Variants in HMGCLL1 observed in about 807,000 individuals in gnomAD.
The protein encoded by HMGCLL1 is 3-hydroxymethyl-3-methylglutaryl-CoA lyase, cytoplasmic.
HMGCLL1 carries 36 observed loss-of-function variants against 39.1 expected under a neutral mutation model. The observed-to-expected ratio is 0.92, with a 90% CI of 0.71 to 1.22. HMGCLL1 has a LOEUF of 1.22. HMGCLL1 is among the 50% of genes most tolerant of loss of function. The pLI is 0.00. For missense variants in HMGCLL1, 451 were observed against 416.5 expected (o/e 1.08, Z -0.72); for synonymous variants, 149 against 144.0 (o/e 1.03, Z -0.25).
chr6:55,626,240 C>T, the HMGCLL1 span, among the ~76,000 whole-genome samples: 7 of 152,140 alleles, frequency 4.6e-5, no homozygotes, highest in African/African-American at 1.4e-4. Context: ...TTTCCCTATC[C>T]TGCACACAAT....
chr6:55,625,967 T>C, the HMGCLL1 span, among the ~76,000 whole-genome samples: 1 of 152,156 alleles, frequency 6.6e-6, no homozygotes, highest in Non-Finnish European at 1.5e-5. Flanking sequence ...CATGGACCCA[T>C]GAACAAAGTC....
the HMGCLL1 span, among the ~76,000 whole-genome samples, chr6:55,629,752 C>T: frequency 1.3e-5 from 2 of 152,142 alleles, no homozygotes; most frequent in Non-Finnish European, 2.9e-5. Flanking sequence ...AAGGGACCAA[C>T]ATAGAGCTCA....
intron 7 of HMGCLL1, among the ~76,000 whole-genome samples, 187 bp downstream of exon 7, chr6:55,495,232 T>A (rs945582722): frequency 6.6e-6 from 1 of 152,212 alleles, no homozygotes; most frequent in Non-Finnish European, 1.5e-5. Flanking sequence ...ATAAGAGATC[T>A]TCATTGCCCT....
At chr6:55,629,679 C>T in the HMGCLL1 span, among the ~76,000 whole-genome samples, 3 of 152,118 alleles carry the variant, frequency 2.0e-5, no homozygotes, top group South Asian at 2.1e-4. Flanking sequence ...GCCCAGGGTT[C>T]CTGTGCTGTG....
the HMGCLL1 span, among the ~76,000 whole-genome samples, chr6:55,626,263 A>G: frequency 6.6e-6 from 1 of 152,092 alleles, no homozygotes; most frequent in Non-Finnish European, 1.5e-5. Context: ...TTCTGCCAAG[A>G]CTACCATCAG....
At chr6:55,542,612 T>C (rs1769513038) in intron 1 of HMGCLL1, among the ~76,000 whole-genome samples, 1 of 151,442 alleles carries the variant, frequency 6.6e-6, no homozygotes, top group Non-Finnish European at 1.5e-5. Context: ...ACCCTGTCTC[T>C]ACTAAAAATA....
At chr6:55,470,484 G>A (rs1764998056) in intron 7 of HMGCLL1, among the ~76,000 whole-genome samples, 1 of 151,646 alleles carries the variant, frequency 6.6e-6, no homozygotes, top group Non-Finnish European at 1.5e-5. Context: ...TTTGGTTCAG[G>A]AAATCTTGGC....
At chr6:55,650,107 AT>A in the HMGCLL1 span, among the ~76,000 whole-genome samples, 2 of 70,748 alleles carry the variant, frequency 2.8e-5, no homozygotes, top group South Asian at 5.3e-4. Context: ...ATATATATAT[AT>A]ATATATATAT....
intron 7 of HMGCLL1, among the ~76,000 whole-genome samples, chr6:55,476,551 C>T (rs1233432039): frequency 6.6e-6 from 1 of 151,568 alleles, no homozygotes; most frequent in East Asian, 1.9e-4. Context: ...ACATTTTGTT[C>T]ATTTCCTTTC....
rs541852843 is a variant in HMGCLL1 at position 55,537,739 on chromosome 6, G to A, written c.297+3990C>T. On this transcript the variant is annotated intron_variant, in intron 3 of 8. Coordinates refer to ENST00000274901, the MANE Select transcript of HMGCLL1 (RefSeq NM_001042406.2). ...GGTTAAGTCACTTACTCAAGTTCAA[G>A]GCAGAATGTGAACAGGGACACAATT... 7.2e-5 allele frequency among the ~76,000 whole-genome samples: 11 copies of A among 152,264 alleles called. No homozygotes were observed. In the East Asian group the frequency reaches 1.5e-3, roughly 21 times the overall value.
At chr6:55,468,017 A>G (rs1303124543) in intron 7 of HMGCLL1, among the ~76,000 whole-genome samples, 2 of 152,012 alleles carry the variant, frequency 1.3e-5, no homozygotes, top group Admixed American at 1.3e-4. Flanking sequence ...TGGACCATAC[A>G]GAATGCCTGT....
intron 7 of HMGCLL1, among the ~76,000 whole-genome samples, chr6:55,470,552 T>A (rs966310372): frequency 2.0e-5 from 3 of 151,852 alleles, no homozygotes; most frequent in African/African-American, 7.2e-5. Flanking sequence ...ACTTTTAGAT[T>A]TCTGCTACCA....
intron 3 of HMGCLL1, among the ~76,000 whole-genome samples, chr6:55,536,786 C>A (rs1363319713): frequency 6.6e-6 from 1 of 152,090 alleles, no homozygotes. Context: ...TGGAACTTTT[C>A]TTTTAGCTGT....
chr6:55,565,569 A>T (rs1446929535), intron 1 of HMGCLL1, among the ~76,000 whole-genome samples: 5 of 152,064 alleles, frequency 3.3e-5, no homozygotes, highest in African/African-American at 1.2e-4. Context: ...TTGACATTTT[A>T]TTTAATAAAT....
At chr6:55,637,714 A>ATGTGTGTG in the HMGCLL1 span, among the ~76,000 whole-genome samples, 10,028 of 148,610 alleles carry the variant, frequency 0.067, 426 homozygotes, top group African/African-American at 0.11. Flanking sequence ...ATAATTTGAT[A>ATGTGTGTG]TGTGTGTGTG....
the HMGCLL1 span, among the ~76,000 whole-genome samples, chr6:55,657,864 A>G: frequency 6.6e-6 from 1 of 152,074 alleles, no homozygotes; most frequent in South Asian, 2.1e-4. Flanking sequence ...ACATGAGAAC[A>G]CATGGACACA....
At chr6:55,609,272 C>T in the HMGCLL1 span, among the ~76,000 whole-genome samples, 1 of 152,130 alleles carries the variant, frequency 6.6e-6, no homozygotes, top group African/African-American at 2.4e-5. Flanking sequence ...TGTTAGCTTC[C>T]TAAGACACTA....
intron 3 of HMGCLL1, among the ~76,000 whole-genome samples, chr6:55,522,463 G>A (rs1279928297): frequency 1.3e-5 from 2 of 151,830 alleles, no homozygotes; most frequent in African/African-American, 2.4e-5. Context: ...CATGCAATGT[G>A]GGATGTTCAA....
At chr6:55,672,877 T>C in the HMGCLL1 span, among the ~76,000 whole-genome samples, 1 of 151,972 alleles carries the variant, frequency 6.6e-6, no homozygotes, top group Non-Finnish European at 1.5e-5. Context: ...GTTAAGTGCA[T>C]GTTACGCATT....
Sources: allele counts gnomAD v4.1 joint callset (sites outside exome capture counted in the v4.1 genomes callset), GRCh38; gene constraint gnomAD v4.1.1; transcripts MANE v1.5; gene names NCBI Gene and HGNC (gene_info 2026-07-23, HGNC 2026-07-21).